The following CILK1 variants were observed in gnomAD, a reference collection of about 807,000 sequenced individuals.
CILK1 encodes the protein serine/threonine-protein kinase ICK.
CILK1 carries 47 observed loss-of-function variants against 79.2 expected under a neutral mutation model. The observed-to-expected ratio is 0.59, with a 90% CI of 0.47 to 0.76. CILK1 has a LOEUF of 0.76. CILK1 is among the 30% of genes least tolerant of loss of function. CILK1 has a pLI of 0.00. For missense variants in CILK1, 660 were observed against 769.5 expected (o/e 0.86, Z 1.68); for synonymous variants, 266 against 275.9 (o/e 0.96, Z 0.36).
chr6:53,061,131 A>T (rs1448353846), intron 1 of CILK1: 1 of 152,262 alleles, frequency 6.6e-6, no homozygotes, highest in African/African-American at 2.4e-5. Context: ...ACATTACAAA[A>T]GAATCAGTTG....
chr6:53,033,944 T>C (rs188226429), intron 3 of CILK1, among the ~76,000 whole-genome samples: 75 of 152,336 alleles, frequency 4.9e-4, no homozygotes, highest in African/African-American at 1.8e-3. Context: ...CTCAGCTGTT[T>C]TGGCCAATTG....
At chr6:53,005,335 A>T in intron 13 of CILK1, 32 bp from the exon 14 acceptor site, 1 of 1,612,762 alleles carries the variant, frequency 6.2e-7, no homozygotes, top group Non-Finnish European at 8.5e-7. Flanking sequence ...GGCATGACTG[A>T]TATGGGGCCA....
At chr6:53,032,051 G>A (rs1010781674) in intron 4 of CILK1, among the ~76,000 whole-genome samples, 2 of 152,224 alleles carry the variant, frequency 1.3e-5, no homozygotes, top group South Asian at 2.1e-4. Flanking sequence ...GAGGCTGGTC[G>A]TGACCTCCTG....
At chr6:53,057,621 G>T (rs905691625) in intron 1 of CILK1, 3 of 152,116 alleles carry the variant, frequency 2.0e-5, no homozygotes, top group Non-Finnish European at 4.4e-5. Flanking sequence ...ATAACTGAAT[G>T]CTAATTAACA....
At chr6:53,010,412 C>T (rs1200103448) in intron 11 of CILK1, among the ~76,000 whole-genome samples, 1 of 152,250 alleles carries the variant, frequency 6.6e-6, no homozygotes, top group Non-Finnish European at 1.5e-5. Flanking sequence ...ATGACAGCTA[C>T]AGCTTGCTGG....
At chr6:53,019,079 A>G (rs1765063503) in intron 6 of CILK1, 148 bp downstream of exon 6, 1 of 743,392 alleles carries the variant, frequency 1.3e-6, no homozygotes, top group African/African-American at 1.8e-5. Context: ...AACCTTGTAC[A>G]TTACCAACAT....
At chr6:53,046,486 A>G (rs1367364870) in intron 1 of CILK1, among the ~76,000 whole-genome samples, 1 of 152,236 alleles carries the variant, frequency 6.6e-6, no homozygotes, top group Non-Finnish European at 1.5e-5. Context: ...TGGGTCATTC[A>G]TTCAATGCAC....
intron 7 of CILK1, 113 bp downstream of exon 7, chr6:53,018,217 A>G: frequency 9.7e-7 from 1 of 1,025,794 alleles, no homozygotes; most frequent in Non-Finnish European, 1.5e-6. Flanking sequence ...AGGTCAAGAG[A>G]AAGAGCCTAG....
intron 1 of CILK1, among the ~76,000 whole-genome samples, chr6:53,047,179 T>A (rs191356439): frequency 1.3e-3 from 191 of 152,268 alleles, no homozygotes; most frequent in African/African-American, 4.3e-3. Flanking sequence ...CAGGGCTGGG[T>A]ACGAGGCTAG....
intron 5 of CILK1, among the ~76,000 whole-genome samples, chr6:53,029,292 A>C (rs1293353627): frequency 6.6e-6 from 1 of 152,152 alleles, no homozygotes; most frequent in African/African-American, 2.4e-5. Context: ...GAAGTTTTTA[A>C]TGTTTTGCAA....
chr6:53,043,183 G>T lies in CILK1; in HGVS notation c.-172-1775C>A, dbSNP rs777894128. On this transcript the variant is annotated intron_variant, in intron 1 of 13. Transcript: ENST00000676107. ...ACACAAAAATTAGCTGGGTGTGGTG[G>T]CATGTGCCTGTAGTCCCAACTACTC... is the stretch of plus-strand genomic sequence containing the variant. Among the ~76,000 whole-genome samples the T allele has an allele frequency of 4.3e-4, 65 of 152,088 alleles. 1 individual carries two copies. The highest frequency in any genetic ancestry group is 7.1e-4 in the Non-Finnish European group (48 of 67,980).
chr6:53,053,638 A>G lies in CILK1; in HGVS notation c.-173+7958T>C, dbSNP rs555783172. Among the ~76,000 whole-genome samples, 3 of 152,368 alleles carry G rather than the reference A, an allele frequency of 2.0e-5. No individual in the cohort carries two copies. The East Asian group carries it at 5.8e-4, about 29-fold the overall frequency. ...AAACTTAAGGGAAAGCTTTCAAAAG[A>G]TCATGAAATCTTTGGAGGATCTGAA... On this transcript the variant is annotated intron_variant, in intron 1 of 13. Transcript: ENST00000676107.
Position 53,006,342 on chromosome 6 carries a change from G to C in CILK1, c.1717C>G (p.Leu573Val). 6.2e-7 allele frequency: 1 copy of C among 1,613,834 alleles called. No individual in the cohort carries two copies. Among genetic ancestry groups the C allele is most frequent in the Non-Finnish European group, 8.5e-7 (1 of 1,179,814 alleles). Residue 573 changes from leucine (L) to valine (V), a missense_variant, in exon 13 of 14, where the codon CTA becomes GTA. Physicochemically the swap from Leu to Val is conservative, Grantham distance 32. Coordinates refer to ENST00000676107, the MANE Select transcript of CILK1 (RefSeq NM_014920.5). ...EIGSAMQRVH[L>V]APIPDPSPGY... Reference sequence around the variant, plus strand: ...GGGGAAGGGTCTGGAATAGGTGCTAGGTGTACCCTCTGCATAGCAGAACCG... The same window carrying C: ...GGGGAAGGGTCTGGAATAGGTGCTACGTGTACCCTCTGCATAGCAGAACCG...
At chr6:53,020,146 T>C (rs1213680931) in intron 5 of CILK1, among the ~76,000 whole-genome samples, 1 of 152,218 alleles carries the variant, frequency 6.6e-6, no homozygotes, top group Non-Finnish European at 1.5e-5. Flanking sequence ...GGAAGTACAA[T>C]GGTACATTTG....
chr6:53,034,578 A>C (rs950522770), intron 3 of CILK1, among the ~76,000 whole-genome samples: 7 of 152,166 alleles, frequency 4.6e-5, no homozygotes, highest in African/African-American at 1.7e-4. Context: ...TTTCAGTTGG[A>C]TATTACCAAT....
At chr6:53,034,638 A>G (rs1387699723) in intron 3 of CILK1, among the ~76,000 whole-genome samples, 1 of 152,198 alleles carries the variant, frequency 6.6e-6, no homozygotes, top group Non-Finnish European at 1.5e-5. Context: ...TAAAACAACA[A>G]TGTACTGGGC....
intron 11 of CILK1, among the ~76,000 whole-genome samples, chr6:53,011,194 G>C (rs1393323904): frequency 6.6e-6 from 1 of 152,136 alleles, no homozygotes; most frequent in East Asian, 1.9e-4. Context: ...TGGTCTGGTA[G>C]AGGGGCCTCA....
Position 53,011,772 on chromosome 6 carries a change from G to GC in CILK1, c.1488dup (p.Pro497AlafsTer21). ...AAAGCCAAGTCATTTATATTACCAG[G>GC]CAAGTATCGAGAGTGCTTCAAATAG... On this transcript the variant is annotated frameshift_variant, in exon 11 of 14. Coordinates refer to ENST00000676107, the MANE Select transcript of CILK1 (RefSeq NM_014920.5). LOFTEE classifies it high-confidence loss of function. 1 of 1,613,690 alleles carries GC rather than the reference G, an allele frequency of 6.2e-7. No individual in the cohort carries two copies. Among genetic ancestry groups the GC allele is most frequent in the South Asian group, 1.1e-5 (1 of 91,064 alleles).
chr6:53,020,523 C>A (rs1051105826), intron 5 of CILK1, among the ~76,000 whole-genome samples: 6 of 152,196 alleles, frequency 3.9e-5, no homozygotes, highest in African/African-American at 1.4e-4. Context: ...TTTTGAGCAC[C>A]AACCTGACAC....
Sources: allele counts gnomAD v4.1 joint callset (sites outside exome capture counted in the v4.1 genomes callset), GRCh38; gene constraint gnomAD v4.1.1; transcripts MANE v1.5; gene names NCBI Gene and HGNC (gene_info 2026-07-23, HGNC 2026-07-21).